The following ANKRD44 variants were observed in gnomAD, a reference collection of about 807,000 sequenced individuals.
The protein encoded by ANKRD44 is ankyrin repeat domain 44.
Under a neutral mutation model 116.0 loss-of-function variants are expected in ANKRD44, and 35 were observed. The ratio of observed to expected loss-of-function variants is 0.30; its 90% confidence interval spans 0.23 to 0.40. ANKRD44 has a LOEUF of 0.40. Among genes scored for constraint, ANKRD44 ranks in the 10% least tolerant of loss-of-function variants. The pLI is 1.00. For synonymous variants in ANKRD44, 435 were observed against 461.8 expected, an observed-to-expected ratio of 0.94 and a Z score of 0.74; for missense variants, 1,014 against 1,242.6, an observed-to-expected ratio of 0.82 and a Z score of 2.77.
At chr2:197,205,940 G>A (rs999250979) in intron 1 of ANKRD44, among the ~76,000 whole-genome samples, 1 of 152,182 alleles carries the variant, frequency 6.6e-6, no homozygotes, top group Non-Finnish European at 1.5e-5. Flanking sequence ...CTAGTTCAGA[G>A]GCTGGAGTGT....
At chr2:197,208,739 G>A (rs544760413) in intron 1 of ANKRD44, among the ~76,000 whole-genome samples, 1 of 152,144 alleles carries the variant, frequency 6.6e-6, no homozygotes, top group African/African-American at 2.4e-5. Context: ...GGCAGAGCTT[G>A]CAGTGAGCCG....
At chr2:197,076,809 T>A (rs184902976) in intron 16 of ANKRD44, among the ~76,000 whole-genome samples, 2 of 152,340 alleles carry the variant, frequency 1.3e-5, no homozygotes, top group Admixed American at 1.3e-4. Flanking sequence ...TCCAGCTGTA[T>A]CCATGTTCCT....
chr2:197,074,642 A>T (rs1285933458), intron 16 of ANKRD44, among the ~76,000 whole-genome samples: 2 of 152,040 alleles, frequency 1.3e-5, no homozygotes, highest in African/African-American at 4.8e-5. Context: ...ATACCTGGCT[A>T]ATTTTAAAAA....
intron 1 of ANKRD44, among the ~76,000 whole-genome samples, chr2:197,278,388 G>C (rs1017394301): frequency 6.6e-6 from 1 of 151,874 alleles, no homozygotes; most frequent in African/African-American, 2.4e-5. Context: ...ACAGAGTCTT[G>C]CTCTGTCGCC....
chr2:197,242,704 C>G (rs1179420738), intron 1 of ANKRD44, among the ~76,000 whole-genome samples: 1 of 152,170 alleles, frequency 6.6e-6, no homozygotes, highest in Non-Finnish European at 1.5e-5. Context: ...GAATGGTTAA[C>G]AGGACACTCT....
chr2:197,226,581 T>C (rs1294833971), intron 1 of ANKRD44, among the ~76,000 whole-genome samples: 1 of 152,088 alleles, frequency 6.6e-6, no homozygotes. Flanking sequence ...GATGAATCAC[T>C]TGAACCAGGG....
chr2:197,086,814 G>C, intron 12 of ANKRD44, 66 bp from the exon 13 acceptor site: 2 of 1,466,806 alleles, frequency 1.4e-6, no homozygotes, highest in South Asian at 2.3e-5. Context: ...TTCAGCAAGA[G>C]CTATTTTCTG....
At chr2:197,054,552 C>T (rs2077169115) in intron 16 of ANKRD44, among the ~76,000 whole-genome samples, 1 of 152,180 alleles carries the variant, frequency 6.6e-6, no homozygotes, top group Non-Finnish European at 1.5e-5. Context: ...ATTCCCTGTA[C>T]ATACCACTCA....
Position 197,122,791 on chromosome 2 carries a change from G to C in ANKRD44, c.552C>G (p.Gly184=), listed in dbSNP as rs1210168598. Residue 184 remains glycine, a splice_region_variant and synonymous_variant, in exon 7 of 28, where the codon GGC becomes GGG. Coordinates refer to ENST00000282272, the MANE Select transcript of ANKRD44 (RefSeq NM_001195144.2). The stretch of plus-strand genomic sequence containing the variant: ...TGAGCAATGCTACAACATCCAAGTG[G>C]CCTTTACAAACAAAGCAGCAGAAAA... ...RRALHWAAYM[G]HLDVVALLIN... 1 of 1,612,226 alleles carries C rather than the reference G, an allele frequency of 6.2e-7. No individual in the cohort carries two copies. Among genetic ancestry groups the C allele is most frequent in the Non-Finnish European group, 8.5e-7 (1 of 1,179,298 alleles).
intron 17 of ANKRD44, among the ~76,000 whole-genome samples, chr2:197,014,049 T>C (rs182697714): frequency 6.6e-6 from 1 of 152,362 alleles, no homozygotes; most frequent in East Asian, 1.9e-4. Flanking sequence ...AATTACCATA[T>C]TCTTTTATCT....
At chr2:197,009,431 A>C (rs1295120557) in intron 18 of ANKRD44, among the ~76,000 whole-genome samples, 2 of 149,706 alleles carry the variant, frequency 1.3e-5, no homozygotes, top group Non-Finnish European at 3.0e-5. Flanking sequence ...GCTGGAGTGC[A>C]ATGATATGAT....
intron 21 of ANKRD44, 120 bp downstream of exon 21, chr2:197,005,574 G>T: frequency 1.1e-6 from 1 of 886,270 alleles, no homozygotes; most frequent in Non-Finnish European, 1.7e-6. Flanking sequence ...AGATATCTTG[G>T]ATGCAGAAAG....
At chr2:197,009,132 G>T in intron 18 of ANKRD44, 101 bp from the exon 19 acceptor site, 1 of 956,452 alleles carries the variant, frequency 1.0e-6, no homozygotes, top group Non-Finnish European at 1.6e-6. Context: ...TTGCTCTGTC[G>T]CCAGGCTGGA....
chr2:197,104,944 C>A (rs1321197863), intron 9 of ANKRD44, among the ~76,000 whole-genome samples: 1 of 152,130 alleles, frequency 6.6e-6, no homozygotes, highest in African/African-American at 2.4e-5. Context: ...CAACTTGCTG[C>A]CAGTAAGTTT....
At chr2:197,305,095 C>A (rs759492027) in intron 1 of ANKRD44, among the ~76,000 whole-genome samples, 13 of 152,088 alleles carry the variant, frequency 8.5e-5, no homozygotes, top group African/African-American at 3.1e-4. Context: ...GATTCTCAAA[C>A]GGATAAAAAT....
intron 18 of ANKRD44, among the ~76,000 whole-genome samples, chr2:197,011,771 C>G (rs1349614443): frequency 2.0e-5 from 3 of 152,194 alleles, no homozygotes; most frequent in Non-Finnish European, 4.4e-5. Context: ...CTGCGCCCAG[C>G]CCCTCAGGTA....
At chr2:197,275,652 T>C (rs1294529917) in intron 1 of ANKRD44, among the ~76,000 whole-genome samples, 1 of 151,996 alleles carries the variant, frequency 6.6e-6, no homozygotes, top group Non-Finnish European at 1.5e-5. Context: ...TCCACAGCAG[T>C]GGTTCTCAGC....
At chr2:197,015,748 T>C (rs2076379759) in intron 17 of ANKRD44, 1 of 516,364 alleles carries the variant, frequency 1.9e-6, no homozygotes, top group South Asian at 1.9e-5. Flanking sequence ...TAGAGGGGGC[T>C]ATGGTGGTGG....
intron 9 of ANKRD44, 64 bp downstream of exon 9, chr2:197,110,702 C>T: frequency 7.2e-7 from 1 of 1,391,850 alleles, no homozygotes; most frequent in South Asian, 1.2e-5. Flanking sequence ...ATGCAGGTGA[C>T]TGACAGCCAA....
Sources: gnomAD v4.1 joint callset for allele counts (sites outside exome capture counted in the v4.1 genomes callset) on GRCh38, gnomAD v4.1.1 for gene constraint, MANE v1.5 for transcripts, NCBI Gene and HGNC (gene_info 2026-07-23, HGNC 2026-07-21) for gene names.